Variants in SH2D4B observed in about 807,000 individuals in gnomAD.
The protein encoded by SH2D4B is SH2 domain containing 4B, also known as SH2 domain-containing protein 4B.
SH2D4B carries 45 observed loss-of-function variants against 61.5 expected under a neutral mutation model. That is an observed-to-expected ratio of 0.73 (90% CI 0.58 to 0.94). SH2D4B has a LOEUF of 0.94. Ranked by LOEUF, SH2D4B falls within the 40% of genes least tolerant of loss-of-function variation. SH2D4B has a pLI of 0.00. For synonymous variants in SH2D4B, 224 were observed against 220.4 expected (o/e 1.02, Z -0.14); for missense variants, 572 against 574.2 (o/e 1.00, Z 0.04).
chr10:80,570,997 C>G (rs902923355), intron 2 of SH2D4B, among the ~76,000 whole-genome samples: 4 of 152,108 alleles, frequency 2.6e-5, no homozygotes, highest in African/African-American at 4.8e-5. Context: ...GCCTCAGCCT[C>G]CTGAGTATCT....
At chr10:80,617,851 C>T (rs1842677394) in intron 6 of SH2D4B, among the ~76,000 whole-genome samples, 1 of 152,232 alleles carries the variant, frequency 6.6e-6, no homozygotes, top group East Asian at 1.9e-4. Context: ...AGGCTCAAAT[C>T]CAGCAGAAGA....
intron 1 of SH2D4B, among the ~76,000 whole-genome samples, chr10:80,558,791 C>T (rs971815614): frequency 8.5e-5 from 13 of 152,084 alleles, no homozygotes; most frequent in South Asian, 4.1e-4. Flanking sequence ...AGGTGTGAGC[C>T]GCTGCACACA....
intron 6 of SH2D4B, among the ~76,000 whole-genome samples, chr10:80,625,235 G>A (rs11186325): frequency 0.032 from 4,863 of 151,566 alleles, 280 homozygotes; most frequent in African/African-American, 0.11. Flanking sequence ...CACTCTCAAT[G>A]TCTATCTTCC....
Position 80,605,557 on chromosome 10 carries a change from C to T in SH2D4B, c.860+1762C>T, listed in dbSNP as rs1842509096. Among the ~76,000 whole-genome samples the T allele has an allele frequency of 2.0e-5, 3 of 152,240 alleles. No homozygotes were observed. In the South Asian group the frequency reaches 6.2e-4, roughly 32 times the overall value. On this transcript the variant is annotated intron_variant, in intron 5 of 7. Transcript: ENST00000646907. ...TGAGACGGAGTCTCACTCTGTCTCC[C>T]AGGCTGAAGTATAATGGCACCATCT...
chr10:80,594,531 A>G (rs1206217943), intron 4 of SH2D4B, among the ~76,000 whole-genome samples: 6 of 152,188 alleles, frequency 3.9e-5, no homozygotes, highest in African/African-American at 7.2e-5. Flanking sequence ...TTCCTCTTCT[A>G]TTTCTCATGA....
At chr10:80,555,694 G>A (rs150687661) in intron 1 of SH2D4B, among the ~76,000 whole-genome samples, 17 of 152,238 alleles carry the variant, frequency 1.1e-4, no homozygotes, top group Non-Finnish European at 1.6e-4. Context: ...TGTCCTAGTC[G>A]GCCTGAAGCT....
intron 1 of SH2D4B, among the ~76,000 whole-genome samples, chr10:80,546,891 G>C (rs1841688371): frequency 6.6e-6 from 1 of 152,212 alleles, no homozygotes; most frequent in African/African-American, 2.4e-5. Context: ...TATCAGGAAT[G>C]AAACATGATC....
At chr10:80,629,036 A>AAAAAAG (rs1564529650) in intron 6 of SH2D4B, among the ~76,000 whole-genome samples, 15 of 144,940 alleles carry the variant, frequency 1.0e-4, no homozygotes, top group East Asian at 2.0e-4. Flanking sequence ...TCTCAAAAAA[A>AAAAAAG]AAAAAGAAAA....
chr10:80,630,078 G>A (rs973367335), intron 6 of SH2D4B, among the ~76,000 whole-genome samples: 5 of 152,170 alleles, frequency 3.3e-5, no homozygotes, highest in South Asian at 4.1e-4. Context: ...TTCAGAACAC[G>A]GTACACATCT....
intron 1 of SH2D4B, among the ~76,000 whole-genome samples, chr10:80,542,340 G>A (rs367899177): frequency 4.0e-5 from 6 of 151,666 alleles, no homozygotes; most frequent in South Asian, 2.1e-4. Flanking sequence ...CAGGACTGAG[G>A]ACACATGTCC....
At chr10:80,573,267 T>C (rs537988726) in intron 3 of SH2D4B, among the ~76,000 whole-genome samples, 46 of 151,622 alleles carry the variant, frequency 3.0e-4, no homozygotes, top group African/African-American at 1.1e-3. Flanking sequence ...ATTACAGGCG[T>C]GAACCACCGT....
chr10:80,619,260 G>A (rs1842691380), intron 6 of SH2D4B, among the ~76,000 whole-genome samples: 1 of 152,208 alleles, frequency 6.6e-6, no homozygotes. Flanking sequence ...GCCTGGACTT[G>A]TTTGTCAGGC....
rs138655675 is a variant in SH2D4B at position 80,621,795 on chromosome 10, A to T, written c.988+12244A>T. 1.6e-3 allele frequency among the ~76,000 whole-genome samples: 246 copies of T among 152,326 alleles called. 2 individuals carry two copies. The highest frequency in any genetic ancestry group is 5.7e-3 in the African/African-American group (235 of 41,570). On this transcript the variant is annotated intron_variant, in intron 6 of 7. Coordinates refer to ENST00000646907, the MANE Select transcript of SH2D4B (RefSeq NM_001388272.1). ...GAGGGTCCCCTTCCCTGCAGTGATC[A>T]TCCCCTAAACATGACCTGGCCCTAC...
chr10:80,634,562 G>A, intron 7 of SH2D4B, 57 bp downstream of exon 7: 8 of 1,536,668 alleles, frequency 5.2e-6, no homozygotes, highest in Non-Finnish European at 7.0e-6. Context: ...AATTGGAGCT[G>A]AAGAGAGAGC....
chr10:80,635,254 C>T (rs76226250), intron 7 of SH2D4B, among the ~76,000 whole-genome samples: 1,594 of 152,164 alleles, frequency 0.01, 28 homozygotes, highest in African/African-American at 0.036. Flanking sequence ...TAAGAAGCAA[C>T]GTTTATGTTC....
intron 1 of SH2D4B, among the ~76,000 whole-genome samples, chr10:80,552,818 T>C (rs919216292): frequency 3.3e-5 from 5 of 152,256 alleles, no homozygotes; most frequent in Admixed American, 6.5e-5. Context: ...CATGTGTATT[T>C]ACCCCATGTC....
rs747696898 is a variant in SH2D4B at position 80,588,636 on chromosome 10, GA to G, written c.503del (p.Glu168GlyfsTer27). 1 of 1,613,862 alleles carries G rather than the reference GA, an allele frequency of 6.2e-7. No homozygotes were observed. The highest frequency in any genetic ancestry group is 8.5e-7 in the Non-Finnish European group (1 of 1,180,010). On this transcript the variant is annotated frameshift_variant, in exon 4 of 8. Coordinates refer to ENST00000646907, the MANE Select transcript of SH2D4B (RefSeq NM_001388272.1). LOFTEE classifies it high-confidence loss of function. The part of the protein sequence containing the change: ...ERIHEEFKRK[E>X]EEERKRGEEQ... ...TGTTCCCATGACATTTTAGAGGAAA[GA>G]GGAAGAGGAGAGGAAGCGAGGAGAA...
rs189859019 is a variant in SH2D4B, at chr10:80,634,253, G to A, written c.989-32G>A. On this transcript the variant is annotated intron_variant, in intron 6 of 7. Coordinates refer to ENST00000646907, the MANE Select transcript of SH2D4B (RefSeq NM_001388272.1). ...GGGGGAGGCAGTCGCAGAACCTGCT[G>A]TGTTTTTTTGTTTTTTTCTATTTTA... The A allele has an allele frequency of 6.7e-4, 991 of 1,482,958 alleles. 4 individuals are homozygous for A. In the African/African-American group the frequency reaches 0.013, roughly 19 times the overall value. 91.9% of individuals were successfully genotyped at this position (1,482,958 alleles called of 1,614,324 possible).
At chr10:80,571,283 G>T (rs376922579) in intron 2 of SH2D4B, 148 bp from the exon 3 acceptor site, 1 of 824,596 alleles carries the variant, frequency 1.2e-6, no homozygotes, top group Non-Finnish European at 1.9e-6. Context: ...ACTCCCATGC[G>T]TGAGAATGCC....
Sources: allele counts gnomAD v4.1 joint callset (sites outside exome capture counted in the v4.1 genomes callset), GRCh38; gene constraint gnomAD v4.1.1; transcripts MANE v1.5; gene names NCBI Gene and HGNC (gene_info 2026-07-23, HGNC 2026-07-21).